The following TOLLIP variants were observed in gnomAD, a reference collection of about 807,000 sequenced individuals.
TOLLIP encodes toll-interacting protein.
In TOLLIP, 16 loss-of-function variants were observed where a neutral mutation model predicts 33.5. That is an observed-to-expected ratio of 0.48 (90% CI 0.32 to 0.72). The LOEUF is 0.72. Among genes scored for constraint, TOLLIP ranks in the 30% least tolerant of loss-of-function variants. The pLI is 0.03. For missense variants in TOLLIP, 325 were observed against 396.6 expected, an observed-to-expected ratio of 0.82 and a Z score of 1.53; for synonymous variants, 176 against 163.7, an observed-to-expected ratio of 1.07 and a Z score of -0.57.
At chr11:1,280,233 T>C (rs916466811) in intron 5 of TOLLIP, among the ~76,000 whole-genome samples, 1 of 152,236 alleles carries the variant, frequency 6.6e-6, no homozygotes, top group Non-Finnish European at 1.5e-5. Flanking sequence ...AGGGGAAGCA[T>C]GCCTGGGCCG....
At chr11:1,288,474 C>A in intron 4 of TOLLIP, 150 bp downstream of exon 4, 2 of 962,802 alleles carry the variant, frequency 2.1e-6, no homozygotes, top group Non-Finnish European at 2.9e-6. Flanking sequence ...CCACCCAGGG[C>A]CCCTGCCCTC....
At chr11:1,305,348 G>A (rs1240920010) in intron 1 of TOLLIP, among the ~76,000 whole-genome samples, 4 of 152,238 alleles carry the variant, frequency 2.6e-5, no homozygotes, top group East Asian at 1.9e-4. Flanking sequence ...CAGAGCCAGC[G>A]GAGACGGGTA....
intron 1 of TOLLIP, among the ~76,000 whole-genome samples, chr11:1,306,465 G>A (rs1209708880): frequency 6.6e-6 from 1 of 152,090 alleles, no homozygotes; most frequent in Non-Finnish European, 1.5e-5. Context: ...CGGACCCTGG[G>A]GAGCATCTCT....
intron 5 of TOLLIP, among the ~76,000 whole-genome samples, chr11:1,284,500 C>G (rs890218759): frequency 3.3e-5 from 5 of 152,172 alleles, no homozygotes; most frequent in Admixed American, 3.3e-4. Context: ...AGGCGCCCAC[C>G]ACCGCGCCCG....
At chr11:1,289,988 C>A (rs371762554) in intron 3 of TOLLIP, 12 of 538,938 alleles carry the variant, frequency 2.2e-5, no homozygotes, top group African/African-American at 1.9e-4. Flanking sequence ...CGCTGTATCC[C>A]TGGGTCATGC....
chr11:1,278,291 G>C lies in TOLLIP; in HGVS notation c.611-1038C>G, dbSNP rs1863377783. Among the ~76,000 whole-genome samples, 1 of 152,136 alleles carries C rather than the reference G, an allele frequency of 6.6e-6. No individual in the cohort carries two copies. The highest frequency in any genetic ancestry group is 1.5e-5 in the Non-Finnish European group (1 of 68,026). On this transcript the variant is annotated intron_variant, in intron 5 of 5. Transcript: ENST00000317204. This position sits in a 1 kb window ranked among gnomAD's most constrained non-coding sequence, Gnocchi z 4.7. ...TGCAGCAGCAGCTGCAGCAGTGCAAGGGTTCACTGCTCACCCGTTCATTCA... is the reference window on the plus strand; with the variant it reads ...TGCAGCAGCAGCTGCAGCAGTGCAACGGTTCACTGCTCACCCGTTCATTCA...
In TOLLIP at chr11:1,276,888, A is replaced by C; in HGVS notation, c.*151T>G. The C allele has an allele frequency of 6.4e-7, 1 of 1,553,116 alleles. No homozygotes were observed. Among genetic ancestry groups the C allele is most frequent in the East Asian group, 2.4e-5 (1 of 41,962 alleles). On this transcript the variant is annotated 3_prime_UTR_variant, in exon 6 of 6. Coordinates refer to ENST00000317204, the MANE Select transcript of TOLLIP (RefSeq NM_019009.4). Reference sequence around the variant, plus strand: ...GGAACCGAAAACCCACATGCACCCAAGAACAGGTGTGGACGGGGCGGCACA... The same window carrying C: ...GGAACCGAAAACCCACATGCACCCACGAACAGGTGTGGACGGGGCGGCACA...
At chr11:1,280,105 T>C (rs890704231) in intron 5 of TOLLIP, among the ~76,000 whole-genome samples, 2 of 152,380 alleles carry the variant, frequency 1.3e-5, no homozygotes, top group South Asian at 2.1e-4. Context: ...TTCCATGTGA[T>C]AGTTTGTCTC....
In TOLLIP at chr11:1,277,785, C is replaced by T. The variant is rs973309648; in HGVS notation, c.611-532G>A. On this transcript the variant is annotated intron_variant, in intron 5 of 5. Coordinates refer to ENST00000317204, the MANE Select transcript of TOLLIP (RefSeq NM_019009.4). This position sits in a 1 kb window ranked among gnomAD's most constrained non-coding sequence, Gnocchi z 4.2. ...GCAAGTGTGTCACTAAACTGTGTGCCGGTGGGGAACAATCACCACAGGCAC... is the reference window on the plus strand; with the variant it reads ...GCAAGTGTGTCACTAAACTGTGTGCTGGTGGGGAACAATCACCACAGGCAC... Among the ~76,000 whole-genome samples the T allele has an allele frequency of 1.8e-4, 28 of 152,296 alleles. No homozygotes were observed. The highest frequency in any genetic ancestry group is 8.5e-4 in the Admixed American group (13 of 15,310).
At chr11:1,280,954 G>A (rs1026238705) in intron 5 of TOLLIP, among the ~76,000 whole-genome samples, 4 of 152,220 alleles carry the variant, frequency 2.6e-5, no homozygotes, top group African/African-American at 4.8e-5. Flanking sequence ...AAGAACGCAC[G>A]GGAAATTGAG....
chr11:1,284,273 G>A (rs1170400183), intron 5 of TOLLIP, among the ~76,000 whole-genome samples: 3 of 151,916 alleles, frequency 2.0e-5, no homozygotes, highest in Non-Finnish European at 4.4e-5. Flanking sequence ...TGCGTTTCTG[G>A]CTCACCTGTG....
Position 1,277,929 on chromosome 11 carries a change from A to G in TOLLIP, c.611-676T>C, listed in dbSNP as rs1677644608. 6.6e-6 allele frequency among the ~76,000 whole-genome samples: 1 copy of G among 152,208 alleles called. No homozygotes were observed. Among genetic ancestry groups the G allele is most frequent in the Admixed American group, 6.5e-5 (1 of 15,284 alleles). Reference sequence around the variant, plus strand: ...AAGTGGGGCAGCAGGTGCGGTGTACAGTGGACCCTCAGTGCACTGGGGCCA... The same window carrying G: ...AAGTGGGGCAGCAGGTGCGGTGTACGGTGGACCCTCAGTGCACTGGGGCCA... On this transcript the variant is annotated intron_variant, in intron 5 of 5. Coordinates refer to ENST00000317204, the MANE Select transcript of TOLLIP (RefSeq NM_019009.4). This position sits in a 1 kb window ranked among gnomAD's most constrained non-coding sequence, Gnocchi z 4.2.
At chr11:1,282,376 CGAGTCAATG>C (rs1354056559) in intron 5 of TOLLIP, among the ~76,000 whole-genome samples, 2 of 152,034 alleles carry the variant, frequency 1.3e-5, no homozygotes, top group Non-Finnish European at 2.9e-5. Flanking sequence ...TGTTAAATGA[CGAGTCAATG>C]GGTGCAGCAC....
At chr11:1,280,794 A>G (rs1863473227) in intron 5 of TOLLIP, among the ~76,000 whole-genome samples, 1 of 152,122 alleles carries the variant, frequency 6.6e-6, no homozygotes, top group African/African-American at 2.4e-5. Flanking sequence ...ACCACCTTCC[A>G]CCTCAGCGCC....
chr11:1,298,125 C>T (rs1253223974), intron 1 of TOLLIP: 1 of 152,338 alleles, frequency 6.6e-6, no homozygotes, highest in African/African-American at 2.4e-5. Context: ...TCGTGCTAAC[C>T]AAGTTCTCAG....
chr11:1,279,555 C>A (rs144191022), intron 5 of TOLLIP, among the ~76,000 whole-genome samples: 2 of 152,230 alleles, frequency 1.3e-5, no homozygotes, highest in African/African-American at 2.4e-5. Flanking sequence ...CCACCTGTAG[C>A]GGCCCTGGGA....
intron 5 of TOLLIP, among the ~76,000 whole-genome samples, chr11:1,282,907 G>A (rs899926150): frequency 1.3e-4 from 19 of 151,720 alleles, no homozygotes; most frequent in Non-Finnish European, 2.9e-5. Flanking sequence ...TGCACGTTGT[G>A]CACATGTACC....
At position 1,295,768 on chromosome 11, in the gene TOLLIP, G is replaced by A. The variant is rs1226708102; in HGVS notation, c.60C>T (p.Asp20=). 22 of 1,591,790 alleles carry A rather than the reference G, an allele frequency of 1.4e-5. No individual in the cohort carries two copies. The highest frequency in any genetic ancestry group is 1.9e-5 in the Non-Finnish European group (22 of 1,169,524). Residue 20 remains aspartate (D), a synonymous_variant, in exon 2 of 6, where the codon GAC becomes GAT. Transcript: ENST00000317204. The stretch of plus-strand genomic sequence containing the variant: ...GCTGTGTGGGCGTGATGCGGAGGAA[G>A]TCCTGCGGGAGCTCACCGATGTACA... ...GPVYIGELPQ[D]FLRITPTQQQ...
At chr11:1,285,266 C>A (rs1223085809) in intron 5 of TOLLIP, among the ~76,000 whole-genome samples, 1 of 152,234 alleles carries the variant, frequency 6.6e-6, no homozygotes. Context: ...TGCCTGGACA[C>A]CAGCTCCCCA....
Sources: gnomAD v4.1 joint callset for allele counts (sites outside exome capture counted in the v4.1 genomes callset) on GRCh38, gnomAD v4.1.1 for gene constraint, Gnocchi (gnomAD v3.1) non-coding constraint, MANE v1.5 for transcripts, NCBI Gene and HGNC (gene_info 2026-07-23, HGNC 2026-07-21) for gene names.